AGMO: variants seen among roughly 807,000 people sequenced by gnomAD.
AGMO encodes glyceryl-ether monooxygenase.
A neutral mutation model predicts 60.2 loss-of-function variants in AGMO; 75 were observed. That is an observed-to-expected ratio of 1.25 (90% CI 1.03 to 1.51). AGMO has a LOEUF of 1.51. Among genes scored for constraint, AGMO ranks in the 40% most tolerant of loss-of-function variants. AGMO has a pLI of 0.00. For missense variants in AGMO, 763 were observed against 525.5 expected (o/e 1.45, Z -4.42); for synonymous variants, 261 against 177.1 (o/e 1.47, Z -3.76).
rs1207867187 is a variant in AGMO at position 15,387,402 on chromosome 7, T to G, written c.957+4A>C. On this transcript the variant is annotated splice_donor_region_variant and intron_variant, in intron 9 of 12. Transcript: ENST00000342526. ...CCATCTCCAATTCTGTGAACTCTAT[T>G]TACCTCTGGAATTTCTTCACTGAGA... The G allele has an allele frequency of 6.2e-7, 1 of 1,612,940 alleles. No individual in the cohort carries two copies. Among genetic ancestry groups the G allele is most frequent in the South Asian group, 1.1e-5 (1 of 90,984 alleles).
At chr7:15,161,095 G>A in the AGMO span, among the ~76,000 whole-genome samples, 1 of 152,142 alleles carries the variant, frequency 6.6e-6, no homozygotes, top group Admixed American at 6.6e-5. Context: ...ATTAATGAGG[G>A]CAGAGCCCTC....
At chr7:15,440,329 A>G (rs1781519015) in intron 3 of AGMO, among the ~76,000 whole-genome samples, 1 of 152,210 alleles carries the variant, frequency 6.6e-6, no homozygotes, top group Non-Finnish European at 1.5e-5. Context: ...ACTCAATCAT[A>G]GGAGAGTATT....
the AGMO span, among the ~76,000 whole-genome samples, chr7:15,142,136 G>C: frequency 1.2e-3 from 176 of 152,132 alleles, no homozygotes; most frequent in African/African-American, 3.9e-3. Flanking sequence ...TATTCACACC[G>C]CATTTTGCTA....
intron 3 of AGMO, among the ~76,000 whole-genome samples, chr7:15,475,246 T>C (rs1345930299): frequency 6.6e-6 from 1 of 152,136 alleles, no homozygotes; most frequent in Admixed American, 6.6e-5. Context: ...TGCACACATA[T>C]GTTATTGCAG....
At chr7:15,393,752 A>G (rs945267667) in intron 6 of AGMO, among the ~76,000 whole-genome samples, 1 of 152,206 alleles carries the variant, frequency 6.6e-6, no homozygotes, top group Non-Finnish European at 1.5e-5. Flanking sequence ...CTGACTATAG[A>G]TAGGAATGAC....
At chr7:15,181,397 C>A in the AGMO span, among the ~76,000 whole-genome samples, 4 of 152,144 alleles carry the variant, frequency 2.6e-5, no homozygotes, top group East Asian at 7.7e-4. Context: ...TGAGCTAGAG[C>A]CCCTTCTACT....
At chr7:15,139,258 G>A in the AGMO span, among the ~76,000 whole-genome samples, 71,571 of 151,904 alleles carry the variant, frequency 0.47, 17,060 homozygotes, top group East Asian at 0.66. Context: ...TTATTTCTAC[G>A]TTTCATCCAC....
chr7:15,362,703 G>A (rs1156241787), intron 12 of AGMO, among the ~76,000 whole-genome samples: 1 of 152,104 alleles, frequency 6.6e-6, no homozygotes, highest in Non-Finnish European at 1.5e-5. Flanking sequence ...TTTCCATGAG[G>A]TCCTCTTTTC....
At chr7:15,285,316 T>A (rs960207338) in intron 12 of AGMO, among the ~76,000 whole-genome samples, 1 of 152,070 alleles carries the variant, frequency 6.6e-6, no homozygotes, top group African/African-American at 2.4e-5. Flanking sequence ...TATGATTGTA[T>A]AACTAGAAAG....
At chr7:15,217,468 A>G (rs575354068) in intron 12 of AGMO, among the ~76,000 whole-genome samples, 1 of 152,268 alleles carries the variant, frequency 6.6e-6, no homozygotes, top group South Asian at 2.1e-4. Flanking sequence ...CCACAAATAT[A>G]AAAAGTAATG....
At chr7:15,128,511 T>C in the AGMO span, among the ~76,000 whole-genome samples, 1 of 152,106 alleles carries the variant, frequency 6.6e-6, no homozygotes. Context: ...TAATTTGTCT[T>C]AGTTCTTTAC....
chr7:15,349,712 G>T (rs969436421), intron 12 of AGMO, among the ~76,000 whole-genome samples: 1 of 152,112 alleles, frequency 6.6e-6, no homozygotes, highest in South Asian at 2.1e-4. Flanking sequence ...CATGGCTGTG[G>T]AGGCCTCAGG....
At chr7:15,136,685 T>C in the AGMO span, among the ~76,000 whole-genome samples, 1 of 152,154 alleles carries the variant, frequency 6.6e-6, no homozygotes, top group Non-Finnish European at 1.5e-5. Flanking sequence ...TGCCACATTT[T>C]TTTTTGCTGT....
At chr7:15,169,016 G>A in the AGMO span, among the ~76,000 whole-genome samples, 1 of 152,132 alleles carries the variant, frequency 6.6e-6, no homozygotes, top group African/African-American at 2.4e-5. Flanking sequence ...TTGTCCTAGG[G>A]GCTAATCCCA....
At chr7:15,301,010 T>C (rs1281633586) in intron 12 of AGMO, among the ~76,000 whole-genome samples, 2 of 152,084 alleles carry the variant, frequency 1.3e-5, no homozygotes, top group East Asian at 1.9e-4. Flanking sequence ...AACTTTCTAC[T>C]GGAGAACATA....
At chr7:15,154,115 T>C in the AGMO span, among the ~76,000 whole-genome samples, 26 of 152,232 alleles carry the variant, frequency 1.7e-4, no homozygotes, top group African/African-American at 5.3e-4. Context: ...GATATGATCA[T>C]ATACCTAGAA....
At chr7:15,322,446 A>G (rs963874162) in intron 12 of AGMO, among the ~76,000 whole-genome samples, 2 of 114,530 alleles carry the variant, frequency 1.7e-5, no homozygotes, top group South Asian at 2.4e-4. Flanking sequence ...ATATATATAA[A>G]TATATATATA....
the AGMO span, among the ~76,000 whole-genome samples, chr7:15,164,430 G>T: frequency 6.6e-6 from 1 of 152,010 alleles, no homozygotes. Context: ...CATAGCAAAA[G>T]AAATAATCAA....
intron 12 of AGMO, among the ~76,000 whole-genome samples, chr7:15,271,304 G>GGATATTT (rs1333015985): frequency 6.6e-6 from 1 of 151,972 alleles, no homozygotes; most frequent in East Asian, 1.9e-4. Flanking sequence ...CCATCATATG[G>GGATATTT]GATATTTTTC....
Sources: allele counts gnomAD v4.1 joint callset (sites outside exome capture counted in the v4.1 genomes callset), GRCh38; gene constraint gnomAD v4.1.1; transcripts MANE v1.5; gene names NCBI Gene and HGNC (gene_info 2026-07-23, HGNC 2026-07-21).